NRXN3: variants seen among roughly 807,000 people sequenced by gnomAD.
NRXN3 encodes the protein neurexin III.
NRXN3 carries 32 observed loss-of-function variants against 137.6 expected under a neutral mutation model. That is an observed-to-expected ratio of 0.23 (90% confidence interval 0.18 to 0.31). The LOEUF is 0.31. NRXN3 is among the 10% of genes least tolerant of loss of function. NRXN3 has a pLI of 1.00. For synonymous variants in NRXN3, 798 were observed against 784.5 expected, an observed-to-expected ratio of 1.02 and a Z score of -0.29; for missense variants, 1,574 against 2,062.5, an observed-to-expected ratio of 0.76 and a Z score of 4.59.
intron 4 of NRXN3, among the ~76,000 whole-genome samples, chr14:78,501,615 A>G (rs965355291): frequency 2.0e-5 from 3 of 152,210 alleles, no homozygotes; most frequent in African/African-American, 7.2e-5. Context: ...ACTAGGAGGT[A>G]GGGATTGTTG....
At chr14:79,188,827 C>G (rs2063861044) in intron 15 of NRXN3, among the ~76,000 whole-genome samples, 1 of 152,124 alleles carries the variant, frequency 6.6e-6, no homozygotes. Flanking sequence ...CAAATCAAAA[C>G]CACAATGAGA....
At chr14:79,566,785 A>C (rs1056588714) in intron 16 of NRXN3, among the ~76,000 whole-genome samples, 1 of 151,932 alleles carries the variant, frequency 6.6e-6, no homozygotes, top group African/African-American at 2.4e-5. Flanking sequence ...TCTGTAAAAA[A>C]TCACTTAGTT....
At chr14:79,811,581 C>CTTTTTTTTTT (rs370942970) in intron 20 of NRXN3, among the ~76,000 whole-genome samples, 9 of 116,608 alleles carry the variant, frequency 7.7e-5, no homozygotes, top group African/African-American at 1.3e-4. Flanking sequence ...TTTCTTTTTT[C>CTTTTTTTTTT]TTTTTTTTTT....
intron 10 of NRXN3, among the ~76,000 whole-genome samples, chr14:78,857,916 A>G (rs1204421776): frequency 3.3e-5 from 5 of 152,144 alleles, no homozygotes; most frequent in African/African-American, 1.2e-4. Context: ...ACAGAAAAAT[A>G]ATTAAACTCT....
At chr14:78,937,073 T>C (rs982282498) in intron 10 of NRXN3, among the ~76,000 whole-genome samples, 5 of 151,228 alleles carry the variant, frequency 3.3e-5, no homozygotes, top group African/African-American at 1.2e-4. Context: ...ATACAAAAAA[T>C]TAGCCAGGTG....
chr14:78,213,911 C>T (rs1283561906), intron 1 of NRXN3, among the ~76,000 whole-genome samples: 1 of 152,156 alleles, frequency 6.6e-6, no homozygotes, highest in Non-Finnish European at 1.5e-5. Context: ...AGTGTCCAAG[C>T]AAGTGGGATT....
intron 8 of NRXN3, among the ~76,000 whole-genome samples, chr14:78,802,240 T>C (rs1321106886): frequency 6.6e-6 from 1 of 152,198 alleles, no homozygotes; most frequent in Non-Finnish European, 1.5e-5. Flanking sequence ...AATCCAGAGA[T>C]GCTGTGTGAC....
chr14:78,713,655 T>C (rs543045025), intron 7 of NRXN3, among the ~76,000 whole-genome samples: 52 of 152,330 alleles, frequency 3.4e-4, no homozygotes, highest in Admixed American at 1.8e-3. Flanking sequence ...GACTCACTAT[T>C]CAGCATGGCT....
intron 1 of NRXN3, among the ~76,000 whole-genome samples, chr14:78,192,048 C>T (rs1166547233): frequency 2.0e-5 from 3 of 150,356 alleles, no homozygotes; most frequent in Non-Finnish European, 4.4e-5. Flanking sequence ...TATCCCTGCC[C>T]CCTTTGGCTG....
At chr14:79,749,334 A>T (rs943683104) in intron 19 of NRXN3, among the ~76,000 whole-genome samples, 3 of 152,136 alleles carry the variant, frequency 2.0e-5, no homozygotes, top group Non-Finnish European at 4.4e-5. Context: ...GTGCCTGCTC[A>T]TAGTGGCAGT....
intron 15 of NRXN3, among the ~76,000 whole-genome samples, chr14:79,089,337 G>C (rs758868630): frequency 2.6e-5 from 4 of 152,130 alleles, no homozygotes; most frequent in Non-Finnish European, 5.9e-5. Flanking sequence ...AGCAAACAAG[G>C]AAGGTGCTTT....
chr14:78,608,836 A>G (rs1221978063), intron 4 of NRXN3, among the ~76,000 whole-genome samples: 1 of 152,216 alleles, frequency 6.6e-6, no homozygotes. Context: ...TATCTGATTT[A>G]GACATGGGGA....
chr14:78,180,341 G>GA lies in NRXN3; in HGVS notation c.-704+9674dup, dbSNP rs530680646. Reference sequence around the variant, plus strand: ...CTAGAGTCCCAAGCCCCTTTAAAGGGAAAAAAAGAAAAAAAATGAAGCATC... The same window carrying GA: ...CTAGAGTCCCAAGCCCCTTTAAAGGGAAAAAAAAGAAAAAAAATGAAGCATC... On this transcript the variant is annotated intron_variant, in intron 1 of 20. Transcript: ENST00000335750. Among the ~76,000 whole-genome samples the GA allele has an allele frequency of 4.6e-5, 7 of 151,428 alleles. No homozygotes were observed. The South Asian group carries it at 1.5e-3, about 32-fold the overall frequency.
intron 20 of NRXN3, among the ~76,000 whole-genome samples, chr14:79,811,581 C>CTTTTTTTTTTTTTT (rs370942970): frequency 8.7e-4 from 102 of 116,580 alleles, no homozygotes; most frequent in Non-Finnish European, 1.1e-3. Flanking sequence ...TTTCTTTTTT[C>CTTTTTTTTTTTTTT]TTTTTTTTTT....
chr14:79,706,585 C>G (rs1310656010), intron 19 of NRXN3, among the ~76,000 whole-genome samples: 1 of 152,054 alleles, frequency 6.6e-6, no homozygotes, highest in Non-Finnish European at 1.5e-5. Context: ...AGAGCGAGAT[C>G]TGCTCTCTTA....
intron 16 of NRXN3, 137 bp from the exon 17 acceptor site, chr14:79,663,641 T>C: frequency 1.4e-6 from 1 of 707,716 alleles, no homozygotes; most frequent in Non-Finnish European, 2.4e-6. Flanking sequence ...AAATGTAGAA[T>C]GCTATTATTA....
At chr14:78,422,750 T>C (rs1318911860) in intron 4 of NRXN3, among the ~76,000 whole-genome samples, 1 of 152,204 alleles carries the variant, frequency 6.6e-6, no homozygotes, top group East Asian at 1.9e-4. Flanking sequence ...AATGAAGTGG[T>C]TAAGACTTGC....
At chr14:79,021,658 C>G (rs978961142) in intron 15 of NRXN3, among the ~76,000 whole-genome samples, 12 of 152,206 alleles carry the variant, frequency 7.9e-5, no homozygotes, top group African/African-American at 2.6e-4. Context: ...TAAGTACCAT[C>G]AGAAGTGGCC....
chr14:78,720,341 C>G (rs376766866), intron 8 of NRXN3, among the ~76,000 whole-genome samples: 1 of 152,128 alleles, frequency 6.6e-6, no homozygotes, highest in East Asian at 1.9e-4. Flanking sequence ...TAATACATAG[C>G]TACTTAATTC....
Sources: gnomAD v4.1 joint callset for allele counts (sites outside exome capture counted in the v4.1 genomes callset) on GRCh38, gnomAD v4.1.1 for gene constraint, MANE v1.5 for transcripts, NCBI Gene and HGNC (gene_info 2026-07-23, HGNC 2026-07-21) for gene names.